Variants in DUOX1 observed in about 807,000 individuals in gnomAD.
DUOX1 encodes the protein NADPH thyroid oxidase 1.
A neutral mutation model predicts 181.8 loss-of-function variants in DUOX1; 134 were observed. The ratio of observed to expected loss-of-function variants is 0.74; its 90% CI spans 0.64 to 0.85. The LOEUF (loss-of-function observed/expected upper bound fraction) is 0.85, where lower values mean the gene tolerates loss of function less well. Among genes scored for constraint, DUOX1 ranks in the 40% least tolerant of loss-of-function variants. The pLI, the probability that DUOX1 is intolerant of heterozygous loss-of-function variation, is 0.00. For synonymous variants in DUOX1, 798 were observed against 832.5 expected, an observed-to-expected ratio of 0.96 and a Z score of 0.71; for missense variants, 1,814 against 2,064.4, an observed-to-expected ratio of 0.88 and a Z score of 2.35.
chr15:45,141,412 T>A lies in DUOX1; in HGVS notation c.1684+2T>A. On this transcript the variant is annotated splice_donor_variant, in intron 14 of 33. Coordinates refer to ENST00000389037, the MANE Select transcript of DUOX1 (RefSeq NM_175940.3). LOFTEE classifies it high-confidence loss of function. ...CCAATGTCTTTGTCTGGCATAAAGG[T>A]GAGTGGCCAAGGGGTGGCTGGAGGA... 1.2e-6 allele frequency: 2 copies of A among 1,614,030 alleles called. No homozygotes were observed. The highest frequency in any genetic ancestry group is 1.7e-6 in the Non-Finnish European group (2 of 1,179,982).
At position 45,161,939 on chromosome 15, in the gene DUOX1, C is replaced by T. The variant is rs1281989029; in HGVS notation, c.4058C>T (p.Pro1353Leu). Reference protein sequence around the residue: ...TTRLREIYSAPTGDRCARYPK... With the variant: ...TTRLREIYSALTGDRCARYPK... ...CGCCTCAGGGAGATCTACTCAGCCCCGACGGGTGACAGATGTGCCAGATAC... is the reference window on the plus strand; with the variant it reads ...CGCCTCAGGGAGATCTACTCAGCCCTGACGGGTGACAGATGTGCCAGATAC... Residue 1353 changes from proline to leucine, a missense_variant, in exon 30 of 34, where the codon CCG becomes CTG. Pro to Leu is a moderately conservative substitution (Grantham distance 98, BLOSUM62 -3). This residue lies in a region of DUOX1 where 279 missense variants were observed against 381.9 expected (regional missense o/e 0.73). Coordinates refer to ENST00000389037, the MANE Select transcript of DUOX1 (RefSeq NM_175940.3). 8.7e-6 allele frequency: 14 copies of T among 1,613,598 alleles called. No homozygotes were observed. The highest frequency in any genetic ancestry group is 5.0e-5 in the Admixed American group (3 of 59,934).
At chr15:45,154,595 G>GTTTT (rs1193223968) in intron 27 of DUOX1, among the ~76,000 whole-genome samples, 2,063 of 139,854 alleles carry the variant, frequency 0.015, 20 homozygotes, top group Non-Finnish European at 0.018. Context: ...ACACAGCATG[G>GTTTT]TTTTTTTTTT....
At chr15:45,147,815 C>A in intron 19 of DUOX1, 89 bp from the exon 20 acceptor site, 2 of 1,507,288 alleles carry the variant, frequency 1.3e-6, no homozygotes, top group Middle Eastern at 1.7e-4. Context: ...AGAAGTGGGT[C>A]ATCACACTGG....
In DUOX1 at chr15:45,144,955, C is replaced by G; in HGVS notation, c.2197C>G (p.Leu733Val). The change falls in exon 18 of 34, where the codon CTG becomes GTG. Residue 733 changes from leucine to valine, a missense_variant. Leu to Val is a conservative substitution (Grantham distance 32, BLOSUM62 1). Around this residue, in one of 5 missense-constraint regions of DUOX1, gnomAD observed 1,064 missense variants for 1,152.9 expected, o/e 0.92. Coordinates refer to ENST00000389037, the MANE Select transcript of DUOX1 (RefSeq NM_175940.3). Reference sequence around the variant, plus strand: ...GCTGGTGGAAAATCTCCGGGGAGCTCTGAAGGAGAGCGGGTTGAGCATCCA... The same window carrying G: ...GCTGGTGGAAAATCTCCGGGGAGCTGTGAAGGAGAGCGGGTTGAGCATCCA... ...QALVENLRGA[L>V]KESGLSIQEW... 1.2e-6 allele frequency: 2 copies of G among 1,613,616 alleles called. No individual in the cohort carries two copies. Among genetic ancestry groups the G allele is most frequent in the Middle Eastern group, 3.3e-4 (2 of 6,022 alleles).
chr15:45,139,057 C>A lies in DUOX1; in HGVS notation c.1114-9C>A. On this transcript the variant is annotated splice_polypyrimidine_tract_variant and intron_variant, in intron 10 of 33. Transcript: ENST00000389037. ...ACACCCCTTTCCTCCCCACCCCCAA[C>A]CTATAAAGCACCCAAGCCTACAAAG... 6.2e-7 allele frequency: 1 copy of A among 1,612,348 alleles called. No individual in the cohort carries two copies. The highest frequency in any genetic ancestry group is 2.2e-5 in the East Asian group (1 of 44,870).
rs1896673624 is a variant in DUOX1 at position 45,147,108 on chromosome 15, C to G, written c.2323-325C>G. Among the ~76,000 whole-genome samples, 4 of 152,228 alleles carry G rather than the reference C, an allele frequency of 2.6e-5. No homozygotes were observed. The South Asian group carries it at 8.3e-4, about 32-fold the overall frequency. ...GCTGTCAGCCAATGAGGCCACTCCT[C>G]CCCTAGGCTGCCTTTGCCTTACTTG... On this transcript the variant is annotated intron_variant, in intron 18 of 33. Coordinates refer to ENST00000389037, the MANE Select transcript of DUOX1 (RefSeq NM_175940.3).
intron 10 of DUOX1, 186 bp from the exon 11 acceptor site, chr15:45,138,880 C>A: frequency 1.7e-6 from 1 of 598,600 alleles, no homozygotes; most frequent in Non-Finnish European, 2.9e-6. Context: ...GCAGCACTGA[C>A]AGAGGGGACA....
rs372691347 is a variant in DUOX1 at position 45,142,133 on chromosome 15, G to A, written c.1822+21G>A. On this transcript the variant is annotated intron_variant, in intron 15 of 33. Coordinates refer to ENST00000389037, the MANE Select transcript of DUOX1 (RefSeq NM_175940.3). ...TTTGGGTAAAATCATGGACAGAGTGGGGTGGGGTGAGAGATGCAAGCTAGG... is the reference window on the plus strand; with the variant it reads ...TTTGGGTAAAATCATGGACAGAGTGAGGTGGGGTGAGAGATGCAAGCTAGG... 2.6e-5 allele frequency: 42 copies of A among 1,607,990 alleles called. No individual in the cohort carries two copies. The African/African-American group carries it at 5.6e-4, about 21-fold the overall frequency.
intron 28 of DUOX1, among the ~76,000 whole-genome samples, chr15:45,158,571 A>G (rs577334527): frequency 6.6e-6 from 1 of 151,880 alleles, no homozygotes; most frequent in African/African-American, 2.4e-5. Flanking sequence ...GAGTGGTGGC[A>G]TGCGCCTCTA....
chr15:45,141,074 A>G lies in DUOX1; in HGVS notation c.1565+4A>G. The G allele has an allele frequency of 6.2e-7, 1 of 1,614,206 alleles. No homozygotes were observed. The highest frequency in any genetic ancestry group is 1.7e-4 in the Middle Eastern group (1 of 6,060). On this transcript the variant is annotated splice_donor_region_variant and intron_variant, in intron 13 of 33. Coordinates refer to ENST00000389037, the MANE Select transcript of DUOX1 (RefSeq NM_175940.3). ...GGTTTGAGAACACCAGGAATGGGTAAGGCGTGCTGGGCCTCCGCCTCAGGC... is the reference window on the plus strand; with the variant it reads ...GGTTTGAGAACACCAGGAATGGGTAGGGCGTGCTGGGCCTCCGCCTCAGGC...
At chr15:45,148,477 C>T (rs1310365493) in intron 21 of DUOX1, 30 bp downstream of exon 21, 7 of 1,594,860 alleles carry the variant, frequency 4.4e-6, no homozygotes, top group Non-Finnish European at 6.0e-6. Context: ...AGCACTGACT[C>T]ATTGGTTAGG....
Position 45,139,131 on chromosome 15 carries a change from A to C in DUOX1, c.1179A>C (p.Ala393=). 6.2e-7 allele frequency: 1 copy of C among 1,614,194 alleles called. No homozygotes were observed. The highest frequency in any genetic ancestry group is 8.5e-7 in the Non-Finnish European group (1 of 1,180,034). Residue 393 remains alanine (A), a synonymous_variant, in exon 11 of 34, where the codon GCA becomes GCC. Coordinates refer to ENST00000389037, the MANE Select transcript of DUOX1 (RefSeq NM_175940.3). ...ALLLGMASQI[A]EREDHVLVED... is the part of the protein sequence containing the mutation. ...TGCTGGGCATGGCCTCCCAGATCGC[A>C]GAGCGAGAGGACCATGTGTTGGTTG...
Position 45,152,164 on chromosome 15 carries a change from C to G in DUOX1, c.3193+112C>G. ...CCTGGGTAGGGTAAGTGGAGCCTGTCTGAGTGAAGACTGTGCGGGGGAGGC... is the reference window on the plus strand; with the variant it reads ...CCTGGGTAGGGTAAGTGGAGCCTGTGTGAGTGAAGACTGTGCGGGGGAGGC... On this transcript the variant is annotated intron_variant, in intron 24 of 33. Transcript: ENST00000389037. 1 of 1,481,192 alleles carries G rather than the reference C, an allele frequency of 6.8e-7. No homozygotes were observed. Among genetic ancestry groups the G allele is most frequent in the East Asian group, 2.4e-5 (1 of 41,372 alleles). The allele number at this position is 1,481,192 out of a possible 1,614,324, so 91.8% of individuals were successfully genotyped here.
chr15:45,162,857 CA>C (rs1039628646), intron 31 of DUOX1, among the ~76,000 whole-genome samples: 2 of 152,102 alleles, frequency 1.3e-5, no homozygotes, highest in Non-Finnish European at 2.9e-5. Flanking sequence ...GAACACAGCT[CA>C]AACCCTCAGG....
intron 16 of DUOX1, among the ~76,000 whole-genome samples, chr15:45,143,520 G>A (rs140335607): frequency 2.6e-5 from 4 of 152,188 alleles, no homozygotes; most frequent in Admixed American, 6.5e-5. Context: ...GGGAGTAAGT[G>A]TAAGACCCTG....
chr15:45,163,347 C>G (rs1351467109), intron 31 of DUOX1, among the ~76,000 whole-genome samples, 185 bp from the exon 32 acceptor site: 1 of 152,224 alleles, frequency 6.6e-6, no homozygotes, highest in Non-Finnish European at 1.5e-5. Context: ...CCTCTCTATG[C>G]CCTGGGCCAA....
At chr15:45,145,544 A>G (rs932878785) in intron 18 of DUOX1, among the ~76,000 whole-genome samples, 8 of 152,236 alleles carry the variant, frequency 5.3e-5, no homozygotes, top group Admixed American at 4.6e-4. Context: ...ACAAAAATGC[A>G]GAGACTTGAG....
intron 12 of DUOX1, chr15:45,140,418 C>T (rs1226408490): frequency 1.1e-5 from 2 of 187,930 alleles, no homozygotes; most frequent in Admixed American, 5.4e-5. Context: ...GTGCTATTTA[C>T]ACTGTGGAGA....
intron 14 of DUOX1, 77 bp downstream of exon 14, chr15:45,141,487 G>A (rs1896491077): frequency 6.9e-7 from 1 of 1,441,602 alleles, no homozygotes; most frequent in Non-Finnish European, 9.8e-7. Context: ...TTGGCTCAAT[G>A]TGGCTGAACG....
Sources: allele counts gnomAD v4.1 joint callset (sites outside exome capture counted in the v4.1 genomes callset), GRCh38; gene constraint gnomAD v4.1.1; regional missense constraint gnomAD v4.1.1; transcripts MANE v1.5; gene names NCBI Gene and HGNC (gene_info 2026-07-23, HGNC 2026-07-21).